Variants in CADPS observed in about 807,000 individuals in gnomAD.
The protein encoded by CADPS is calcium-dependent secretion activator 1.
A neutral mutation model predicts 167.3 loss-of-function variants in CADPS; 57 were observed. That is an observed-to-expected ratio of 0.34 (90% CI 0.28 to 0.42). The LOEUF is 0.42. CADPS is among the 20% of genes least tolerant of loss of function. The probability of loss-of-function intolerance (pLI) is 1.00; values close to 1 mark genes in which losing one functional copy is unlikely to be tolerated. For synonymous variants in CADPS, 676 were observed against 635.3 expected, an observed-to-expected ratio of 1.06 and a Z score of -0.96; for missense variants, 1,414 against 1,738.1, an observed-to-expected ratio of 0.81 and a Z score of 3.32.
chr3:62,577,766 G>A (rs989456543), intron 8 of CADPS, among the ~76,000 whole-genome samples: 2 of 152,172 alleles, frequency 1.3e-5, no homozygotes, highest in Non-Finnish European at 2.9e-5. Flanking sequence ...GCAAAATGAA[G>A]TCCAGAGGGG....
rs2051463639 is a variant in CADPS, at chr3:62,421,788, GC to G, written c.3777+16315del. On this transcript the variant is annotated intron_variant, in intron 28 of 29. Transcript: ENST00000383710. The surrounding 1 kb of genome is among the most constrained non-coding windows in gnomAD (Gnocchi z 4.7). Reference sequence around the variant, plus strand: ...AGTTCTTTCCTAGGGATGGAGGGATGCCCCGGGTCTGGGTTTTTTTGGAGTG... The same window carrying G: ...AGTTCTTTCCTAGGGATGGAGGGATGCCCGGGTCTGGGTTTTTTTGGAGTG... Among the ~76,000 whole-genome samples, 1 of 152,196 alleles carries G rather than the reference GC, an allele frequency of 6.6e-6. No individual in the cohort carries two copies. The highest frequency in any genetic ancestry group is 2.1e-4 in the South Asian group (1 of 4,830).
At chr3:62,642,706 C>T (rs1373900815) in intron 6 of CADPS, among the ~76,000 whole-genome samples, 3 of 152,028 alleles carry the variant, frequency 2.0e-5, no homozygotes, top group East Asian at 1.9e-4. Context: ...CCCAAGAGTT[C>T]GAGACCAGCC....
rs114464692 is a variant in CADPS, at chr3:62,580,769, G to A, written c.1577+4416C>T. 8.4e-3 allele frequency among the ~76,000 whole-genome samples: 1,279 copies of A among 152,188 alleles called. 10 individuals carry two copies. The highest frequency in any genetic ancestry group is 0.017 in the Middle Eastern group (5 of 294). On this transcript the variant is annotated intron_variant, in intron 8 of 29. Coordinates refer to ENST00000383710, the MANE Select transcript of CADPS (RefSeq NM_003716.4). ...GAATGTGTGCCTTGCTTAAAGTAAT[G>A]AATCTATAAAAGATTAGAAATAGAA...
chr3:62,748,063 G>A (rs576959), intron 3 of CADPS, among the ~76,000 whole-genome samples: 30,428 of 150,482 alleles, frequency 0.2, 3,875 homozygotes, highest in African/African-American at 0.36. Flanking sequence ...GCTTACACCT[G>A]TAATCCCAGT....
At chr3:62,450,498 AACTGTG>A (rs1287343177) in intron 26 of CADPS, among the ~76,000 whole-genome samples, 4 of 152,186 alleles carry the variant, frequency 2.6e-5, no homozygotes, top group African/African-American at 4.8e-5. Context: ...GGGAGGCAAG[AACTGTG>A]ACTTCAGCAG....
chr3:62,612,356 C>T (rs2061620261), intron 6 of CADPS, among the ~76,000 whole-genome samples: 1 of 152,188 alleles, frequency 6.6e-6, no homozygotes, highest in South Asian at 2.1e-4. Context: ...ATAACTGCCA[C>T]AGTGATATTA....
chr3:62,815,755 C>G (rs941992255), intron 1 of CADPS, among the ~76,000 whole-genome samples: 45 of 152,058 alleles, frequency 3.0e-4, no homozygotes, highest in African/African-American at 1.0e-3. Flanking sequence ...ATGTTTTTCT[C>G]TGTGTGTGTG....
chr3:62,746,384 T>G (rs963178591), intron 3 of CADPS, among the ~76,000 whole-genome samples: 1 of 152,094 alleles, frequency 6.6e-6, no homozygotes, highest in Non-Finnish European at 1.5e-5. Context: ...CAGGCTGGAG[T>G]GCAGTGGTGG....
At chr3:62,429,437 A>G (rs1218191786) in intron 28 of CADPS, among the ~76,000 whole-genome samples, 1 of 152,242 alleles carries the variant, frequency 6.6e-6, no homozygotes, top group Non-Finnish European at 1.5e-5. Context: ...AGCAGTAACT[A>G]TGTATCTAGG....
intron 3 of CADPS, among the ~76,000 whole-genome samples, chr3:62,715,790 T>C (rs1581011673): frequency 7.7e-6 from 1 of 130,414 alleles, no homozygotes; most frequent in East Asian, 2.5e-4. Context: ...GGAGTCTTGC[T>C]GTGTCGCCCA....
intron 3 of CADPS, among the ~76,000 whole-genome samples, chr3:62,749,890 C>G (rs1386738102): frequency 6.6e-6 from 1 of 152,212 alleles, no homozygotes; most frequent in African/African-American, 2.4e-5. Flanking sequence ...TCTACTGCCA[C>G]CGTGTCTTCT....
chr3:62,771,568 T>C (rs773040484), intron 1 of CADPS, among the ~76,000 whole-genome samples: 1 of 152,160 alleles, frequency 6.6e-6, no homozygotes, highest in Non-Finnish European at 1.5e-5. Flanking sequence ...AACAAACAAA[T>C]GGGCTTTGAT....
chr3:62,793,054 A>G (rs2093085800), intron 1 of CADPS, among the ~76,000 whole-genome samples: 1 of 152,200 alleles, frequency 6.6e-6, no homozygotes, highest in South Asian at 2.1e-4. Context: ...GGAAAACTAC[A>G]GTAATGAATG....
chr3:62,801,235 G>C (rs1172607914), intron 1 of CADPS, among the ~76,000 whole-genome samples: 1 of 152,064 alleles, frequency 6.6e-6, no homozygotes, highest in Admixed American at 6.6e-5. Flanking sequence ...CTCCATAAAT[G>C]CCATTGATGC....
chr3:62,863,816 T>C lies in CADPS; in HGVS notation c.441+10773A>G, dbSNP rs531640432. 2.0e-5 allele frequency among the ~76,000 whole-genome samples: 3 copies of C among 152,324 alleles called. No homozygotes were observed. The South Asian group carries it at 6.2e-4, about 32-fold the overall frequency. ...AACAATAAAAGATTTTAAGATGAGT[T>C]GCACATTTGTGCCTTGGCCAGCTCA... On this transcript the variant is annotated intron_variant, in intron 1 of 29. Coordinates refer to ENST00000383710, the MANE Select transcript of CADPS (RefSeq NM_003716.4).
intron 1 of CADPS, among the ~76,000 whole-genome samples, chr3:62,792,361 G>C (rs183448557): frequency 2.2e-4 from 33 of 151,942 alleles, no homozygotes; most frequent in Admixed American, 6.6e-4. Context: ...GCACCCCCAT[G>C]CCTGGCTAAT....
At chr3:62,539,454 A>C (rs2075323094) in intron 11 of CADPS, among the ~76,000 whole-genome samples, 1 of 152,010 alleles carries the variant, frequency 6.6e-6, no homozygotes, top group African/African-American at 2.4e-5. Context: ...GAGCGCTTAC[A>C]AGGGTGGCTG....
intron 4 of CADPS, among the ~76,000 whole-genome samples, chr3:62,661,696 TG>T (rs1425310670): frequency 2.6e-5 from 4 of 151,948 alleles, no homozygotes; most frequent in Admixed American, 6.6e-5. Flanking sequence ...GGATAGAAAA[TG>T]GGGGAACTGC....
Position 62,609,955 on chromosome 3 carries a change from G to A in CADPS, c.1326-17207C>T, listed in dbSNP as rs143778601. Among the ~76,000 whole-genome samples the A allele has an allele frequency of 3.4e-3, 511 of 152,126 alleles. 2 individuals carry two copies. The highest frequency in any genetic ancestry group is 0.012 in the African/African-American group (484 of 41,508). ...ATACTAAAAATTAGCCGGGAGTGGT[G>A]GTCCGTGCCTATAGTCCCAACTACT... On this transcript the variant is annotated intron_variant, in intron 6 of 29. Transcript: ENST00000383710.
Sources: allele counts gnomAD v4.1 joint callset (sites outside exome capture counted in the v4.1 genomes callset), GRCh38; gene constraint gnomAD v4.1.1; non-coding constraint Gnocchi (gnomAD v3.1); transcripts MANE v1.5; gene names NCBI Gene and HGNC (gene_info 2026-07-23, HGNC 2026-07-21).